Variants in ABLIM2 observed in about 807,000 individuals in gnomAD.
ABLIM2 encodes actin-binding LIM protein 2.
Under a neutral mutation model 97.7 loss-of-function variants are expected in ABLIM2, and 53 were observed. The ratio of observed to expected loss-of-function variants is 0.54; its 90% CI spans 0.44 to 0.68. The LOEUF is 0.68. Ranked by LOEUF, ABLIM2 falls within the 30% of genes least tolerant of loss-of-function variation. The pLI is 0.00. For synonymous variants in ABLIM2, 361 were observed against 345.8 expected, an observed-to-expected ratio of 1.04 and a Z score of -0.49; for missense variants, 835 against 867.2, an observed-to-expected ratio of 0.96 and a Z score of 0.47.
chr4:8,100,590 T>A (rs1197083387), intron 2 of ABLIM2, among the ~76,000 whole-genome samples: 2 of 151,642 alleles, frequency 1.3e-5, no homozygotes, highest in Admixed American at 1.3e-4. Flanking sequence ...CCACTAAAAA[T>A]GCAAAACTAG....
Position 8,140,830 on chromosome 4 carries a change from G to T in ABLIM2, c.10+17850C>A, listed in dbSNP as rs577525484. Among the ~76,000 whole-genome samples, 115 of 152,240 alleles carry T rather than the reference G, an allele frequency of 7.6e-4. No individual in the cohort carries two copies. Among genetic ancestry groups the T allele is most frequent in the African/African-American group, 2.6e-3 (106 of 41,536 alleles). On this transcript the variant is annotated intron_variant, in intron 1 of 20. Coordinates refer to ENST00000447017, the MANE Select transcript of ABLIM2 (RefSeq NM_001130083.2). The surrounding 1 kb of genome is among the most constrained non-coding windows in gnomAD (Gnocchi z 5.9). ...GCTCCTGAGTCAGGGTGGGGTTCAG[G>T]GCAGGGAGGTGGCTGCCAAGAAGAG... is the stretch of plus-strand genomic sequence containing the variant.
At chr4:8,034,153 C>T (rs750178124) in intron 10 of ABLIM2, among the ~76,000 whole-genome samples, 45 of 152,172 alleles carry the variant, frequency 3.0e-4, no homozygotes, top group Admixed American at 2.3e-3. Context: ...GGCCGAGACG[C>T]GAGTCCTCAC....
intron 20 of ABLIM2, among the ~76,000 whole-genome samples, chr4:7,977,957 AGAT>A (rs1354423091): frequency 6.6e-6 from 1 of 152,124 alleles, no homozygotes; most frequent in Non-Finnish European, 1.5e-5. Flanking sequence ...GTTAGCTCTG[AGAT>A]GATGTGCAAG....
chr4:8,114,661 C>T (rs1329816220), intron 1 of ABLIM2, among the ~76,000 whole-genome samples: 2 of 152,226 alleles, frequency 1.3e-5, no homozygotes, highest in Non-Finnish European at 2.9e-5. Context: ...ACGGCCATCA[C>T]TGCCTGGGCT....
chr4:8,020,593 C>G, intron 12 of ABLIM2: 1 of 485,684 alleles, frequency 2.1e-6, no homozygotes, highest in Non-Finnish European at 3.7e-6. Flanking sequence ...CCTTAGGGGG[C>G]TCACTCCATC....
intron 1 of ABLIM2, among the ~76,000 whole-genome samples, chr4:8,110,644 TG>T (rs925170330): frequency 1.5e-4 from 12 of 82,510 alleles, no homozygotes; most frequent in Non-Finnish European, 2.5e-4. Flanking sequence ...GAAATATACT[TG>T]GTCGGGGGTG....
intron 8 of ABLIM2, among the ~76,000 whole-genome samples, chr4:8,047,010 C>G (rs547219724): frequency 6.6e-6 from 1 of 152,298 alleles, no homozygotes; most frequent in South Asian, 2.1e-4. Context: ...ATCGGGGAAG[C>G]CCCAGCTGCC....
At position 8,122,981 on chromosome 4, in the gene ABLIM2, G is replaced by A. The variant is rs997164317; in HGVS notation, c.11-16344C>T. Reference sequence around the variant, plus strand: ...CCTGACCAGTGTGGGACGTCTTCCCGGAGGTCGTGCCTGCCTCCCCTGGCG... The same window carrying A: ...CCTGACCAGTGTGGGACGTCTTCCCAGAGGTCGTGCCTGCCTCCCCTGGCG... On this transcript the variant is annotated intron_variant, in intron 1 of 20. Coordinates refer to ENST00000447017, the MANE Select transcript of ABLIM2 (RefSeq NM_001130083.2). The surrounding 1 kb of genome is among the most constrained non-coding windows in gnomAD (Gnocchi z 4.1). Among the ~76,000 whole-genome samples, 3 of 152,132 alleles carry A rather than the reference G, an allele frequency of 2.0e-5. No individual in the cohort carries two copies. The highest frequency in any genetic ancestry group is 6.5e-5 in the Admixed American group (1 of 15,278).
At chr4:7,969,715 T>C in intron 20 of ABLIM2, among the ~76,000 whole-genome samples, 1 of 102,938 alleles carries the variant, frequency 9.7e-6, no homozygotes, top group Non-Finnish European at 1.9e-5. Context: ...TCAGTCTCTC[T>C]TTCTCTCTCT....
chr4:7,988,332 C>G (rs1005596329), intron 17 of ABLIM2, among the ~76,000 whole-genome samples: 3 of 152,172 alleles, frequency 2.0e-5, no homozygotes, highest in African/African-American at 7.2e-5. Context: ...CTGTTTAGCA[C>G]TTCTTACGTG....
chr4:8,035,810 T>C (rs1784165093), intron 10 of ABLIM2, among the ~76,000 whole-genome samples: 1 of 152,262 alleles, frequency 6.6e-6, no homozygotes, highest in Non-Finnish European at 1.5e-5. Flanking sequence ...TCATGCTTTA[T>C]GAAAATAATC....
At chr4:8,084,996 C>T (rs1333290906) in intron 4 of ABLIM2, among the ~76,000 whole-genome samples, 3 of 152,128 alleles carry the variant, frequency 2.0e-5, no homozygotes, top group Admixed American at 2.0e-4. Flanking sequence ...CGGGAAGGGG[C>T]AGAGCTTCAG....
chr4:8,046,206 G>T lies in ABLIM2; in HGVS notation c.823-965C>A, dbSNP rs1792300785. ...ACCCGCTGTGTCCCCTGGGCTGATGGTTTTTGTGACTGTCCTGCCTCTCCC... is the reference window on the plus strand; with the variant it reads ...ACCCGCTGTGTCCCCTGGGCTGATGTTTTTTGTGACTGTCCTGCCTCTCCC... On this transcript the variant is annotated intron_variant, in intron 8 of 20. Transcript: ENST00000447017. This position sits in a 1 kb window ranked among gnomAD's most constrained non-coding sequence, Gnocchi z 4.4. 6.6e-6 allele frequency among the ~76,000 whole-genome samples: 1 copy of T among 152,112 alleles called. No homozygotes were observed. Among genetic ancestry groups the T allele is most frequent in the South Asian group, 2.1e-4 (1 of 4,830 alleles).
At chr4:8,106,451 C>T in intron 2 of ABLIM2, 43 bp downstream of exon 2, 1 of 1,566,696 alleles carries the variant, frequency 6.4e-7, no homozygotes, top group Non-Finnish European at 8.7e-7. Context: ...CGCTGGGAGG[C>T]CCGTTTCAGG....
In ABLIM2 at chr4:8,083,995, C is replaced by T. The variant is rs1821604708; in HGVS notation, c.455-3193G>A. 6.6e-6 allele frequency among the ~76,000 whole-genome samples: 1 copy of T among 152,058 alleles called. No individual in the cohort carries two copies. Among genetic ancestry groups the T allele is most frequent in the African/African-American group, 2.4e-5 (1 of 41,374 alleles). On this transcript the variant is annotated intron_variant, in intron 4 of 20. Transcript: ENST00000447017. The surrounding 1 kb of genome is among the most constrained non-coding windows in gnomAD (Gnocchi z 4.6). ...AGCTCAGGGGGTGCAGGTGCAGGAG[C>T]CAGACCCCCTCTGCAGCACCTCAGG...
intron 9 of ABLIM2, among the ~76,000 whole-genome samples, chr4:8,036,535 G>A (rs529027810): frequency 6.6e-6 from 1 of 152,316 alleles, no homozygotes; most frequent in African/African-American, 2.4e-5. Context: ...CAGAGTCTGA[G>A]CTCACCCCCA....
At chr4:8,092,000 T>G (rs1444051166) in intron 3 of ABLIM2, among the ~76,000 whole-genome samples, 18 of 138,380 alleles carry the variant, frequency 1.3e-4, no homozygotes. Context: ...TATAATATAA[T>G]ATATATATAT....
chr4:8,120,403 T>A lies in ABLIM2; in HGVS notation c.11-13766A>T, dbSNP rs1844871984. On this transcript the variant is annotated intron_variant, in intron 1 of 20. Transcript: ENST00000447017. This position sits in a 1 kb window ranked among gnomAD's most constrained non-coding sequence, Gnocchi z 5.6. ...TGACTGGTGTCAGAAAAAGGGGAAA[T>A]GTGGACACAGAGACAACCCCAGACA... Among the ~76,000 whole-genome samples, 1 of 151,864 alleles carries A rather than the reference T, an allele frequency of 6.6e-6. No homozygotes were observed. Among genetic ancestry groups the A allele is most frequent in the Non-Finnish European group, 1.5e-5 (1 of 67,968 alleles).
rs954358498 is a variant in ABLIM2 at position 7,999,206 on chromosome 4, T to G, written c.1619-6279A>C. ...TCCTGAGTAGCTGGGATTACAGGCA[T>G]GTACCACTGCGCCCAGCTAATTTTG... On this transcript the variant is annotated intron_variant, in intron 16 of 20. Coordinates refer to ENST00000447017, the MANE Select transcript of ABLIM2 (RefSeq NM_001130083.2). The surrounding 1 kb of genome is among the most constrained non-coding windows in gnomAD (Gnocchi z 4.4). Among the ~76,000 whole-genome samples the G allele has an allele frequency of 6.6e-6, 1 of 152,180 alleles. No homozygotes were observed. Among genetic ancestry groups the G allele is most frequent in the Admixed American group, 6.5e-5 (1 of 15,282 alleles).
Sources: allele counts gnomAD v4.1 joint callset (sites outside exome capture counted in the v4.1 genomes callset), GRCh38; gene constraint gnomAD v4.1.1; non-coding constraint Gnocchi (gnomAD v3.1); transcripts MANE v1.5; gene names NCBI Gene and HGNC (gene_info 2026-07-23, HGNC 2026-07-21).